TENM2: variants seen among roughly 807,000 people sequenced by gnomAD.
TENM2 encodes the protein teneurin transmembrane protein 2.
TENM2 carries 52 observed loss-of-function variants against 245.2 expected under a neutral mutation model. That is an observed-to-expected ratio of 0.21 (90% confidence interval 0.17 to 0.27). The LOEUF is 0.27. TENM2 is among the 10% of genes least tolerant of loss of function. The probability of loss-of-function intolerance (pLI) is 1.00; values close to 1 mark genes in which losing one functional copy is unlikely to be tolerated. For missense variants in TENM2, 3,046 were observed against 3,666.8 expected (o/e 0.83, Z 4.37); for synonymous variants, 1,363 against 1,438.9 (o/e 0.95, Z 1.19).
intron 2 of TENM2, among the ~76,000 whole-genome samples, chr5:167,646,101 TAC>T (rs771383657): frequency 9.4e-5 from 14 of 149,046 alleles, no homozygotes; most frequent in Admixed American, 2.0e-4. Flanking sequence ...CATATATATA[TAC>T]ACACACACAT....
At chr5:167,364,277 A>T (rs188683494) in intron 1 of TENM2, among the ~76,000 whole-genome samples, 2 of 152,306 alleles carry the variant, frequency 1.3e-5, no homozygotes, top group East Asian at 3.9e-4. Flanking sequence ...TACGTATTGT[A>T]GTCCTTAGAG....
At chr5:168,120,574 A>G (rs1228194372) in intron 10 of TENM2, among the ~76,000 whole-genome samples, 2 of 152,162 alleles carry the variant, frequency 1.3e-5, no homozygotes, top group Non-Finnish European at 2.9e-5. Flanking sequence ...CTTTCTCACT[A>G]TCCCACCCAG....
chr5:167,060,067 T>G, the TENM2 span, among the ~76,000 whole-genome samples: 1 of 152,166 alleles, frequency 6.6e-6, no homozygotes, highest in Non-Finnish European at 1.5e-5. Context: ...AATTAAAAAC[T>G]TTTTAATTAA....
chr5:168,158,850 T>TATATATATATATACAC lies in TENM2; in HGVS notation c.2423-3760_2423-3759insTATATATATATACACA, dbSNP rs1339051385. On this transcript the variant is annotated intron_variant, in intron 12 of 28. Transcript: ENST00000518659. ...GTGTGTATATATATATATATATATATACACACACACACACACACATATATA... is the reference window on the plus strand; with the variant it reads ...GTGTGTATATATATATATATATATATATATATATATATACACACACACACACACACACACATATATA... Among the ~76,000 whole-genome samples the TATATATATATATACAC allele has an allele frequency of 3.5e-3, 215 of 62,140 alleles. 3 individuals are homozygous for TATATATATATATACAC. Among genetic ancestry groups the TATATATATATATACAC allele is most frequent in the Admixed American group, 0.014 (60 of 4,240 alleles). The allele number at this position is 62,140 out of a possible 152,430, so 40.8% of individuals were successfully genotyped here.
At chr5:167,486,477 T>C (rs1768083712) in intron 2 of TENM2, among the ~76,000 whole-genome samples, 1 of 151,840 alleles carries the variant, frequency 6.6e-6, no homozygotes. Flanking sequence ...TACAGGCACC[T>C]GCCACCACGC....
intron 3 of TENM2, among the ~76,000 whole-genome samples, chr5:167,916,515 C>A (rs544480101): frequency 6.6e-6 from 1 of 152,260 alleles, no homozygotes; most frequent in Admixed American, 6.5e-5. Flanking sequence ...GTTTCCAGAG[C>A]CAATTTCCTG....
intron 2 of TENM2, among the ~76,000 whole-genome samples, chr5:167,773,283 A>G (rs1346824349): frequency 6.6e-6 from 1 of 152,206 alleles, no homozygotes; most frequent in African/African-American, 2.4e-5. Flanking sequence ...AAAAACAGTG[A>G]GAGTAAATCA....
the TENM2 span, among the ~76,000 whole-genome samples, chr5:166,993,783 A>G: frequency 1.3e-5 from 2 of 152,214 alleles, no homozygotes; most frequent in Non-Finnish European, 2.9e-5. Context: ...CTGCAGATTA[A>G]ATAACCGACA....
intron 13 of TENM2, chr5:168,165,026 G>C (rs968968828): frequency 6.6e-6 from 1 of 151,954 alleles, no homozygotes; most frequent in Non-Finnish European, 1.5e-5. Flanking sequence ...CCTCTTAATG[G>C]GTATTTTGCA....
intron 2 of TENM2, among the ~76,000 whole-genome samples, chr5:167,807,766 TC>T (rs1354124557): frequency 1.3e-5 from 2 of 152,098 alleles, no homozygotes; most frequent in African/African-American, 4.8e-5. Flanking sequence ...TTTGTCTTTT[TC>T]CGCAGGGCAA....
chr5:167,604,151 G>A (rs1012006029), intron 2 of TENM2, among the ~76,000 whole-genome samples: 16 of 152,036 alleles, frequency 1.1e-4, no homozygotes, highest in African/African-American at 2.7e-4. Flanking sequence ...ATAAAAATAC[G>A]AAACAACAGT....
At chr5:168,168,090 G>A (rs1289390472) in intron 13 of TENM2, among the ~76,000 whole-genome samples, 1 of 152,082 alleles carries the variant, frequency 6.6e-6, no homozygotes, top group African/African-American at 2.4e-5. Context: ...TGTGTGGAGG[G>A]CTTGTTTAAA....
chr5:167,280,756 G>GTCTGTCTA (rs1424705114), upstream of TENM2, among the ~76,000 whole-genome samples: 10,593 of 145,744 alleles, frequency 0.073, 429 homozygotes, highest in Non-Finnish European at 0.085. Flanking sequence ...CTATCTGTCT[G>GTCTGTCTA]TCTATCTATC....
intron 3 of TENM2, among the ~76,000 whole-genome samples, chr5:167,912,288 T>C (rs986778625): frequency 6.6e-6 from 1 of 152,242 alleles, no homozygotes; most frequent in East Asian, 1.9e-4. Context: ...TATCATAATG[T>C]CCTCCAGGTT....
the TENM2 span, among the ~76,000 whole-genome samples, chr5:167,265,354 A>AG: frequency 6.6e-6 from 1 of 150,390 alleles, no homozygotes; most frequent in African/African-American, 2.5e-5. Context: ...AAAAAAAAAA[A>AG]AAAGAAAGGT....
chr5:168,153,494 G>T (rs1177738878), intron 12 of TENM2, among the ~76,000 whole-genome samples: 1 of 152,252 alleles, frequency 6.6e-6, no homozygotes, highest in African/African-American at 2.4e-5. Context: ...AGCACAAGGT[G>T]AATGGCTTTA....
At chr5:167,483,548 TC>T (rs1178610725) in intron 2 of TENM2, among the ~76,000 whole-genome samples, 3 of 152,188 alleles carry the variant, frequency 2.0e-5, no homozygotes, top group Non-Finnish European at 4.4e-5. Flanking sequence ...TATCAGTTCC[TC>T]CTATTAAATT....
chr5:167,074,449 T>A, the TENM2 span, among the ~76,000 whole-genome samples: 1 of 152,174 alleles, frequency 6.6e-6, no homozygotes, highest in African/African-American at 2.4e-5. Context: ...AATACAATGA[T>A]CAGCCTGGTT....
Position 168,247,755 on chromosome 5 carries a change from G to T in TENM2, c.6816G>T (p.Gln2272His), listed in dbSNP as rs1248970643. Residue 2272 changes from glutamine (Q) to histidine (H), a missense_variant, in exon 27 of 29, where the codon CAG becomes CAT. Gln to His is a conservative substitution (Grantham distance 24, BLOSUM62 0). Around this residue, in one of 2 missense-constraint regions of TENM2, gnomAD observed 2,704 missense variants for 3,331.9 expected, o/e 0.81. Transcript: ENST00000518659. This position sits in a 1 kb window ranked among gnomAD's most constrained non-coding sequence, Gnocchi z 7.8. ...TTGACGACGATGGCTATCTGTGCCA[G>T]AGAGGGTCTGACATCTTCGAATACA... 1.7e-5 allele frequency: 27 copies of T among 1,613,836 alleles called. No individual in the cohort carries two copies. The Admixed American group carries it at 4.5e-4, about 27-fold the overall frequency.
Sources: gnomAD v4.1 joint callset for allele counts (sites outside exome capture counted in the v4.1 genomes callset) on GRCh38, gnomAD v4.1.1 for gene constraint, gnomAD v4.1.1 regional missense constraint, Gnocchi (gnomAD v3.1) non-coding constraint, MANE v1.5 for transcripts, NCBI Gene and HGNC (gene_info 2026-07-23, HGNC 2026-07-21) for gene names.